PTPN13: variants seen among roughly 807,000 people sequenced by gnomAD.
PTPN13 encodes tyrosine-protein phosphatase non-receptor type 13.
In PTPN13, 191 loss-of-function variants were observed where a neutral mutation model predicts 284.0. That is an observed-to-expected ratio of 0.67 (90% CI 0.60 to 0.76). The LOEUF (loss-of-function observed/expected upper bound fraction) is 0.76. PTPN13 is among the 30% of genes least tolerant of loss of function. The pLI is 0.00. For synonymous variants in PTPN13, 986 were observed against 1,022.3 expected (o/e 0.96, Z 0.68); for missense variants, 2,797 against 2,939.9 (o/e 0.95, Z 1.12).
At position 86,758,778 on chromosome 4, in the gene PTPN13, G is replaced by A; in HGVS notation, c.3414G>A (p.Leu1138=). ...GACCAGCTGACTTGGATGGATGCTT[G>A]AAGCCAGGTACTTTACATTTTGGTA... ...PGGPADLDGC[L]KPGDRLISVN... The change falls in exon 22 of 48, where the codon TTG becomes TTA. Residue 1138 remains leucine, a synonymous_variant. Transcript: ENST00000411767. 6.2e-7 allele frequency: 1 copy of A among 1,613,310 alleles called. No individual in the cohort carries two copies. Among genetic ancestry groups the A allele is most frequent in the Admixed American group, 1.7e-5 (1 of 59,916 alleles).
intron 1 of PTPN13, among the ~76,000 whole-genome samples, chr4:86,619,288 C>T (rs780962385): frequency 1.1e-4 from 17 of 152,272 alleles, no homozygotes; most frequent in Non-Finnish European, 2.5e-4. Flanking sequence ...AATAACTTCT[C>T]AAATCACAGA....
intron 40 of PTPN13, among the ~76,000 whole-genome samples, chr4:86,786,931 C>G (rs1385367741): frequency 1.3e-5 from 2 of 151,908 alleles, no homozygotes; most frequent in Admixed American, 6.6e-5. Flanking sequence ...TGGTGAAACC[C>G]TGTCTCTGCC....
At chr4:86,751,300 G>T (rs1162371299) in intron 19 of PTPN13, among the ~76,000 whole-genome samples, 176 bp downstream of exon 19, 1 of 152,238 alleles carries the variant, frequency 6.6e-6, no homozygotes, top group Non-Finnish European at 1.5e-5. Context: ...TTTAACAAGT[G>T]ATTGCTTCAT....
intron 1 of PTPN13, among the ~76,000 whole-genome samples, chr4:86,602,781 C>G (rs79202467): frequency 0.046 from 7,044 of 151,906 alleles, 221 homozygotes; most frequent in African/African-American, 0.06. Flanking sequence ...ACTTCAACCT[C>G]CCATGCTCAA....
Position 86,732,286 on chromosome 4 carries a change from T to C in PTPN13, c.1609-114T>C, listed in dbSNP as rs1364736358. 8.3e-6 allele frequency: 7 copies of C among 845,060 alleles called. No individual in the cohort carries two copies. The Admixed American group carries it at 1.4e-4, about 17-fold the overall frequency. 52.3% of individuals were successfully genotyped at this position (845,060 alleles called of 1,614,324 possible). On this transcript the variant is annotated intron_variant, in intron 10 of 47. Coordinates refer to ENST00000411767, the MANE Select transcript of PTPN13 (RefSeq NM_080683.3). Reference sequence around the variant, plus strand: ...TTTGTTTTAGATCACCTAGTTCTAATGTGGTGATTTTGTAGTTTCATATGT... The same window carrying C: ...TTTGTTTTAGATCACCTAGTTCTAACGTGGTGATTTTGTAGTTTCATATGT...
chr4:86,716,491 T>G, intron 7 of PTPN13, 39 bp from the exon 8 acceptor site: 3 of 1,192,338 alleles, frequency 2.5e-6, no homozygotes, highest in Non-Finnish European at 3.6e-6. Context: ...GAATAGCTAA[T>G]GAGTTTGCTT....
At chr4:86,811,215 A>G (rs1745186174) in intron 47 of PTPN13, 107 bp downstream of exon 47, 7 of 1,093,114 alleles carry the variant, frequency 6.4e-6, no homozygotes, top group African/African-American at 3.2e-5. Flanking sequence ...ATGTTAGAGC[A>G]TAAAACCAAA....
intron 1 of PTPN13, among the ~76,000 whole-genome samples, chr4:86,598,804 A>C (rs1764047437): frequency 6.6e-6 from 1 of 152,092 alleles, no homozygotes; most frequent in African/African-American, 2.4e-5. Context: ...TCACTCTGTC[A>C]CCCAGGCTAG....
intron 15 of PTPN13, among the ~76,000 whole-genome samples, chr4:86,739,564 A>G (rs972491928): frequency 6.6e-6 from 1 of 152,128 alleles, no homozygotes; most frequent in African/African-American, 2.4e-5. Flanking sequence ...CTCCTTCAAC[A>G]TGTGGAAATT....
intron 2 of PTPN13, among the ~76,000 whole-genome samples, chr4:86,647,677 T>C (rs1214921415): frequency 6.6e-6 from 1 of 152,050 alleles, no homozygotes; most frequent in Non-Finnish European, 1.5e-5. Context: ...GTATCAAAGA[T>C]AGGGTTTTCA....
intron 6 of PTPN13, among the ~76,000 whole-genome samples, chr4:86,700,778 T>C (rs1204944276): frequency 6.6e-6 from 1 of 152,202 alleles, no homozygotes; most frequent in Non-Finnish European, 1.5e-5. Context: ...ATTCTTTGTT[T>C]CTTCCTTAAA....
chr4:86,684,433 A>G (rs182420029), intron 3 of PTPN13, among the ~76,000 whole-genome samples: 1 of 152,320 alleles, frequency 6.6e-6, no homozygotes, highest in African/African-American at 2.4e-5. Flanking sequence ...GCGATGACAG[A>G]AGAAAACTTA....
intron 2 of PTPN13, among the ~76,000 whole-genome samples, chr4:86,653,911 T>A (rs1333166632): frequency 2.6e-5 from 4 of 152,200 alleles, no homozygotes; most frequent in Non-Finnish European, 5.9e-5. Context: ...AGCTGTGATG[T>A]GTACCTAAAC....
intron 47 of PTPN13, among the ~76,000 whole-genome samples, chr4:86,812,182 C>T (rs13124717): frequency 0.079 from 11,906 of 149,968 alleles, 630 homozygotes; most frequent in Non-Finnish European, 0.11. Context: ...TAGTGGCGGG[C>T]GCCTGTAGTC....
At chr4:86,804,044 A>T (rs976787237) in intron 43 of PTPN13, among the ~76,000 whole-genome samples, 187 bp downstream of exon 43, 2 of 152,146 alleles carry the variant, frequency 1.3e-5, no homozygotes, top group African/African-American at 2.4e-5. Context: ...GATTTAAAGG[A>T]ATCACTTTAA....
At position 86,782,164 on chromosome 4, in the gene PTPN13, T is replaced by C. The variant is rs150881217; in HGVS notation, c.5963-37T>C. Reference sequence around the variant, plus strand: ...TTTGATGTCCCTCTTGTGGTTTGGATTGGCTCATCCCCTTACTTCCTATAT... The same window carrying C: ...TTTGATGTCCCTCTTGTGGTTTGGACTGGCTCATCCCCTTACTTCCTATAT... On this transcript the variant is annotated intron_variant, in intron 36 of 47. Transcript: ENST00000411767. 44 of 1,475,428 alleles carry C rather than the reference T, an allele frequency of 3.0e-5. No individual in the cohort carries two copies. In the East Asian group the frequency reaches 9.5e-4, roughly 32 times the overall value. 91.4% of individuals were successfully genotyped at this position (1,475,428 alleles called of 1,614,324 possible).
chr4:86,810,266 A>G (rs1182500826), intron 46 of PTPN13, among the ~76,000 whole-genome samples: 2 of 152,036 alleles, frequency 1.3e-5, no homozygotes, highest in Admixed American at 1.3e-4. Context: ...ATTTCATTTT[A>G]CCCTTTATAG....
At chr4:86,630,752 T>A (rs1383936035) in intron 1 of PTPN13, among the ~76,000 whole-genome samples, 1 of 152,154 alleles carries the variant, frequency 6.6e-6, no homozygotes, top group Non-Finnish European at 1.5e-5. Context: ...TAGATTCAAG[T>A]TAAACATTCC....
chr4:86,742,447 T>C lies in PTPN13; in HGVS notation c.2487+631T>C, dbSNP rs180988087. ...TCCATTGGCAGACTTCAGAGATGAA[T>C]AAAAAATATTAATATGTTCAGGTGT... On this transcript the variant is annotated intron_variant, in intron 16 of 47. Coordinates refer to ENST00000411767, the MANE Select transcript of PTPN13 (RefSeq NM_080683.3). 8.9e-4 allele frequency among the ~76,000 whole-genome samples: 135 copies of C among 152,296 alleles called. 1 individual carries two copies. The highest frequency in any genetic ancestry group is 1.5e-3 in the Non-Finnish European group (105 of 68,000).
Sources: gnomAD v4.1 joint callset for allele counts (sites outside exome capture counted in the v4.1 genomes callset) on GRCh38, gnomAD v4.1.1 for gene constraint, MANE v1.5 for transcripts, NCBI Gene and HGNC (gene_info 2026-07-23, HGNC 2026-07-21) for gene names.